OPCML: variants seen among roughly 807,000 people sequenced by gnomAD.
OPCML encodes opioid-binding protein/cell adhesion molecule.
A neutral mutation model predicts 37.8 loss-of-function variants in OPCML; 13 were observed. That is an observed-to-expected ratio of 0.34 (90% CI 0.22 to 0.55). The LOEUF (loss-of-function observed/expected upper bound fraction) is 0.55, where lower values mean the gene tolerates loss of function less well. Among genes scored for constraint, OPCML ranks in the 20% least tolerant of loss-of-function variants. The pLI is 0.91. For missense variants in OPCML, 341 were observed against 435.6 expected, an observed-to-expected ratio of 0.78 and a Z score of 1.93; for synonymous variants, 176 against 168.8, an observed-to-expected ratio of 1.04 and a Z score of -0.33.
chr11:132,876,592 C>T (rs961269238), intron 2 of OPCML, among the ~76,000 whole-genome samples: 2 of 152,182 alleles, frequency 1.3e-5, no homozygotes, highest in African/African-American at 4.8e-5. Flanking sequence ...ATCCTTTGAA[C>T]GCCAACAAGG....
chr11:133,004,379 C>T (rs1947066851), intron 1 of OPCML: 1 of 985,366 alleles, frequency 1.0e-6, no homozygotes, highest in Non-Finnish European at 1.2e-6. Flanking sequence ...TCTGCTCTCT[C>T]TTCAGAGGAA....
At chr11:133,486,078 A>G (rs940757829) in intron 1 of OPCML, among the ~76,000 whole-genome samples, 14 of 152,196 alleles carry the variant, frequency 9.2e-5, no homozygotes, top group African/African-American at 3.4e-4. Context: ...GGTTCAATGT[A>G]CATGAATCAA....
chr11:133,460,090 T>A (rs576283199), intron 1 of OPCML, among the ~76,000 whole-genome samples: 2 of 151,906 alleles, frequency 1.3e-5, no homozygotes, highest in Non-Finnish European at 2.9e-5. Flanking sequence ...CACAAATATA[T>A]TGAAGTTCAT....
At chr11:133,448,300 C>G (rs1205733823) in intron 1 of OPCML, among the ~76,000 whole-genome samples, 1 of 152,082 alleles carries the variant, frequency 6.6e-6, no homozygotes, top group Admixed American at 6.5e-5. Context: ...TTATCCTTTA[C>G]CCATTAAATT....
At chr11:133,460,288 A>G (rs1381441051) in intron 1 of OPCML, among the ~76,000 whole-genome samples, 1 of 151,962 alleles carries the variant, frequency 6.6e-6, no homozygotes, top group Non-Finnish European at 1.5e-5. Context: ...TCAAATCAAT[A>G]GCCTAACTTT....
intron 1 of OPCML, among the ~76,000 whole-genome samples, chr11:133,395,311 G>C (rs184915593): frequency 5.9e-5 from 9 of 152,028 alleles, no homozygotes; most frequent in Non-Finnish European, 1.3e-4. Context: ...ATTTTCTCCC[G>C]TCCTGTGAGT....
chr11:132,692,187 C>T (rs1311388150), intron 2 of OPCML, among the ~76,000 whole-genome samples: 2 of 151,416 alleles, frequency 1.3e-5, no homozygotes, highest in Non-Finnish European at 2.9e-5. Context: ...ATAGGAAGAT[C>T]AGGTTTGCCT....
intron 1 of OPCML, among the ~76,000 whole-genome samples, chr11:133,104,722 A>G (rs1198447124): frequency 6.6e-6 from 1 of 152,246 alleles, no homozygotes; most frequent in Non-Finnish European, 1.5e-5. Flanking sequence ...TGCTTCAAGA[A>G]GAAATTCAGA....
At chr11:132,646,152 C>T (rs1419060562) in intron 3 of OPCML, among the ~76,000 whole-genome samples, 2 of 151,948 alleles carry the variant, frequency 1.3e-5, no homozygotes, top group African/African-American at 2.4e-5. Flanking sequence ...GATGGGTGCA[C>T]CAAAATCTCA....
At chr11:133,006,488 T>G in intron 1 of OPCML, 1 of 985,396 alleles carries the variant, frequency 1.0e-6, no homozygotes, top group Non-Finnish European at 1.2e-6. Flanking sequence ...GAAAGTTTTA[T>G]CTCCTTAATC....
At chr11:132,499,066 C>A (rs116367868) in intron 4 of OPCML, among the ~76,000 whole-genome samples, 7 of 152,224 alleles carry the variant, frequency 4.6e-5, no homozygotes, top group African/African-American at 1.7e-4. Flanking sequence ...CATGGTAGCA[C>A]ACCTTGAAAT....
chr11:133,067,409 C>A (rs997809416), intron 1 of OPCML: 3 of 152,166 alleles, frequency 2.0e-5, no homozygotes, highest in African/African-American at 7.2e-5. Context: ...AGAATATTCG[C>A]TCTGTGGGAC....
intron 1 of OPCML, among the ~76,000 whole-genome samples, chr11:133,436,031 G>A (rs771359775): frequency 1.3e-5 from 2 of 151,874 alleles, no homozygotes; most frequent in South Asian, 2.1e-4. Flanking sequence ...CACACTCCAC[G>A]TGCAACCACA....
intron 1 of OPCML, among the ~76,000 whole-genome samples, chr11:133,410,978 T>A (rs540915846): frequency 1.3e-5 from 2 of 152,266 alleles, no homozygotes; most frequent in South Asian, 4.2e-4. Flanking sequence ...ATACCTCCCA[T>A]TGCTTCCTCA....
chr11:133,153,044 C>T (rs933265200), intron 1 of OPCML, among the ~76,000 whole-genome samples: 2 of 152,128 alleles, frequency 1.3e-5, no homozygotes, highest in African/African-American at 2.4e-5. Context: ...TCCCTGCAGC[C>T]TGGACCCTGG....
At chr11:133,073,285 C>T (rs565456509) in intron 1 of OPCML, among the ~76,000 whole-genome samples, 129 of 152,304 alleles carry the variant, frequency 8.5e-4, no homozygotes, top group Middle Eastern at 3.4e-3. Context: ...GAGGGGCTCT[C>T]GGTTTGCACC....
chr11:133,455,403 T>C (rs189177428), intron 1 of OPCML, among the ~76,000 whole-genome samples: 46 of 152,344 alleles, frequency 3.0e-4, no homozygotes, highest in African/African-American at 9.4e-4. Context: ...AGAGGCAGTT[T>C]GGGGGTTCTT....
intron 1 of OPCML, among the ~76,000 whole-genome samples, chr11:133,076,810 C>T (rs888607056): frequency 2.6e-5 from 4 of 152,106 alleles, no homozygotes; most frequent in African/African-American, 7.2e-5. Context: ...GAAACATGCA[C>T]CTCCTGACCC....
chr11:133,267,363 G>A lies in OPCML; in HGVS notation c.61+264901C>T, dbSNP rs536045048. ...CCCACCTCTGCCACATTCTAGCCATGTGCTCCTGAGCAAGTTTTCTGATCA... is the reference window on the plus strand; with the variant it reads ...CCCACCTCTGCCACATTCTAGCCATATGCTCCTGAGCAAGTTTTCTGATCA... On this transcript the variant is annotated intron_variant, in intron 1 of 7. Coordinates refer to ENST00000524381, the MANE Select transcript of OPCML (RefSeq NM_001012393.5). 5.4e-4 allele frequency among the ~76,000 whole-genome samples: 82 copies of A among 152,262 alleles called. 1 individual carries two copies. In the South Asian group the frequency reaches 0.017, roughly 31 times the overall value.
Sources: allele counts gnomAD v4.1 joint callset (sites outside exome capture counted in the v4.1 genomes callset), GRCh38; gene constraint gnomAD v4.1.1; transcripts MANE v1.5; gene names NCBI Gene and HGNC (gene_info 2026-07-23, HGNC 2026-07-21).